Variants in STK33 observed in about 807,000 individuals in gnomAD.
The protein encoded by STK33 is serine/threonine-protein kinase 33.
STK33 carries 52 observed loss-of-function variants against 58.0 expected under a neutral mutation model. That is an observed-to-expected ratio of 0.90 (90% CI 0.72 to 1.13). The LOEUF is 1.13. Among genes scored for constraint, STK33 ranks in the 50% most tolerant of loss-of-function variants. The pLI is 0.00. For missense variants in STK33, 630 were observed against 604.2 expected (o/e 1.04, Z -0.45); for synonymous variants, 215 against 200.1 (o/e 1.07, Z -0.63).
chr11:8,468,334 C>G (rs1375893020), intron 6 of STK33, among the ~76,000 whole-genome samples: 2 of 152,172 alleles, frequency 1.3e-5, no homozygotes, highest in Non-Finnish European at 2.9e-5. Flanking sequence ...ATTATGGGAG[C>G]TACAAGATGA....
intron 15 of STK33, 93 bp downstream of exon 15, chr11:8,413,402 C>T: frequency 7.2e-7 from 1 of 1,379,376 alleles, no homozygotes; most frequent in Non-Finnish European, 1.0e-6. Flanking sequence ...TTGTTACAAA[C>T]TAACAACAAA....
intron 1 of STK33, among the ~76,000 whole-genome samples, chr11:8,568,939 A>G (rs1319671954): frequency 6.6e-6 from 1 of 152,212 alleles, no homozygotes; most frequent in Admixed American, 6.5e-5. Flanking sequence ...CTAGGCAAAG[A>G]CCTAAGGAAA....
At chr11:8,432,312 G>A (rs1943521227) in intron 14 of STK33, among the ~76,000 whole-genome samples, 1 of 152,066 alleles carries the variant, frequency 6.6e-6, no homozygotes, top group South Asian at 2.1e-4. Flanking sequence ...GAATACCAAG[G>A]CAATTATCTA....
intron 14 of STK33, among the ~76,000 whole-genome samples, chr11:8,434,873 AAC>A (rs1943876584): frequency 6.6e-6 from 1 of 152,198 alleles, no homozygotes; most frequent in Admixed American, 6.5e-5. Context: ...GTTTCCAACT[AAC>A]AGTCAGAATC....
In STK33 at chr11:8,392,704, C is replaced by T. The variant is rs17852925; in HGVS notation, c.1351G>A (p.Ala451Thr). ...SDEEEEKQSTAYEKQFPATSK... is the reference protein window; with the variant it reads ...SDEEEEKQSTTYEKQFPATSK... ...GTTGCAGGAAATTGCTTTTCATAAG[C>T]AGTAGACTGCAAATAAAAGGTCTTG... The change falls in exon 16 of 16, where the codon GCT becomes ACT. Residue 451 changes from alanine to threonine, a missense_variant. Ala to Thr is a moderately conservative substitution (Grantham distance 58). Coordinates refer to ENST00000687296, the MANE Select transcript of STK33 (RefSeq NM_001352389.2). 1 of 1,614,104 alleles carries T rather than the reference C, an allele frequency of 6.2e-7. No homozygotes were observed. Among genetic ancestry groups the T allele is most frequent in the Non-Finnish European group, 8.5e-7 (1 of 1,180,010 alleles).
intron 1 of STK33, among the ~76,000 whole-genome samples, chr11:8,577,509 C>T (rs889076978): frequency 6.6e-6 from 1 of 151,882 alleles, no homozygotes; most frequent in Non-Finnish European, 1.5e-5. Flanking sequence ...TTGATTCTGC[C>T]ATGTCACCTT....
chr11:8,345,845 G>A, the STK33 span, among the ~76,000 whole-genome samples: 2 of 152,336 alleles, frequency 1.3e-5, no homozygotes, highest in South Asian at 2.1e-4. Context: ...GGTAGAGACC[G>A]CTCTTAAGAA....
intron 11 of STK33, among the ~76,000 whole-genome samples, chr11:8,443,781 T>A (rs1480662634): frequency 1.3e-5 from 2 of 152,174 alleles, no homozygotes; most frequent in African/African-American, 4.8e-5. Context: ...GGAGGATCGC[T>A]TGAACCCAGG....
intron 1 of STK33, among the ~76,000 whole-genome samples, chr11:8,482,917 A>C (rs1949931586): frequency 6.6e-6 from 1 of 151,772 alleles, no homozygotes; most frequent in Non-Finnish European, 1.5e-5. Context: ...TTTTTAGTAG[A>C]GATGGGGATT....
chr11:8,397,248 C>T (rs1712931409), intron 15 of STK33, among the ~76,000 whole-genome samples: 1 of 152,224 alleles, frequency 6.6e-6, no homozygotes, highest in African/African-American at 2.4e-5. Flanking sequence ...CGGTCGGGTA[C>T]TCCTCGGAGA....
At chr11:8,481,742 T>G (rs781040347) in intron 1 of STK33, among the ~76,000 whole-genome samples, 4 of 152,126 alleles carry the variant, frequency 2.6e-5, no homozygotes, top group Admixed American at 6.5e-5. Context: ...ATGCTATAAC[T>G]GCACCCCCAT....
At chr11:8,381,788 G>A in the STK33 span, among the ~76,000 whole-genome samples, 2 of 152,144 alleles carry the variant, frequency 1.3e-5, 1 homozygote, top group South Asian at 4.2e-4. Flanking sequence ...AAAACTTTAG[G>A]TGAGTGTGGT....
chr11:8,394,619 G>A (rs1849034955), intron 15 of STK33, among the ~76,000 whole-genome samples: 1 of 152,140 alleles, frequency 6.6e-6, no homozygotes, highest in Admixed American at 6.5e-5. Flanking sequence ...TCACCAGGAA[G>A]AAATACTCAG....
At chr11:8,398,237 A>G (rs1157783901) in intron 15 of STK33, among the ~76,000 whole-genome samples, 2 of 152,260 alleles carry the variant, frequency 1.3e-5, no homozygotes, top group Non-Finnish European at 2.9e-5. Context: ...CACAAGGTGA[A>G]GCCCATCAGA....
chr11:8,508,463 A>C (rs1277318531), intron 1 of STK33, among the ~76,000 whole-genome samples: 1 of 151,546 alleles, frequency 6.6e-6, no homozygotes, highest in Non-Finnish European at 1.5e-5. Flanking sequence ...GCAGTGATGG[A>C]GTCTCCCTAT....
In STK33 at chr11:8,586,218, GAA is replaced by G. The variant is rs142885342; in HGVS notation, c.-466+7863_-466+7864del. On this transcript the variant is annotated intron_variant, in intron 1 of 15. Coordinates refer to ENST00000687296, the MANE Select transcript of STK33 (RefSeq NM_001352389.2). Reference sequence around the variant, plus strand: ...GTCAAGAGAGCCAGATCCTATCTCGGAAAAAAAAAAAAAAAAAAACACCTGAC... The same window carrying G: ...GTCAAGAGAGCCAGATCCTATCTCGGAAAAAAAAAAAAAAAAACACCTGAC... 8.0e-3 allele frequency among the ~76,000 whole-genome samples: 819 copies of G among 101,894 alleles called. 4 individuals carry two copies. The highest frequency in any genetic ancestry group is 0.019 in the East Asian group (67 of 3,614). 66.8% of individuals were successfully genotyped at this position (101,894 alleles called of 152,430 possible).
chr11:8,500,728 ACAAT>A (rs1951453002), intron 1 of STK33, among the ~76,000 whole-genome samples: 2 of 152,316 alleles, frequency 1.3e-5, no homozygotes, highest in South Asian at 4.1e-4. Flanking sequence ...GATAGCAAAA[ACAAT>A]CTTGAAAAAG....
intron 11 of STK33, among the ~76,000 whole-genome samples, chr11:8,443,264 C>G (rs1308181290): frequency 6.6e-6 from 1 of 152,104 alleles, no homozygotes; most frequent in Non-Finnish European, 1.5e-5. Flanking sequence ...ATTTAATAAG[C>G]ACACACAGAA....
At chr11:8,430,517 A>G (rs975634740) in intron 14 of STK33, among the ~76,000 whole-genome samples, 1 of 152,208 alleles carries the variant, frequency 6.6e-6, no homozygotes. Flanking sequence ...AAAAATAATA[A>G]TAATAAATCT....
Sources: gnomAD v4.1 joint callset for allele counts (sites outside exome capture counted in the v4.1 genomes callset) on GRCh38, gnomAD v4.1.1 for gene constraint, MANE v1.5 for transcripts, NCBI Gene and HGNC (gene_info 2026-07-23, HGNC 2026-07-21) for gene names.